DAB1: variants seen among roughly 807,000 people sequenced by gnomAD.
DAB1 encodes DAB adaptor protein 1, also known as disabled homolog 1.
A neutral mutation model predicts 64.6 loss-of-function variants in DAB1; 15 were observed. The observed-to-expected ratio is 0.23, with a 90% CI of 0.16 to 0.36. DAB1 has a LOEUF of 0.36. Among genes scored for constraint, DAB1 ranks in the 10% least tolerant of loss-of-function variants. The pLI, the probability that DAB1 is intolerant of heterozygous loss-of-function variation, is 1.00. For synonymous variants in DAB1, 235 were observed against 251.9 expected, an observed-to-expected ratio of 0.93 and a Z score of 0.64; for missense variants, 596 against 706.7, an observed-to-expected ratio of 0.84 and a Z score of 1.78.
rs1027412805 is a variant in DAB1, at chr1:58,110,401, T to C, written n.387+40110A>G. Among the ~76,000 whole-genome samples the C allele has an allele frequency of 4.6e-5, 7 of 152,200 alleles. No homozygotes were observed. The East Asian group carries it at 9.6e-4, about 21-fold the overall frequency. The stretch of plus-strand genomic sequence containing the variant: ...AGCAAATGCTATCAGAATGATATGA[T>C]TGATGTTAAGGAAAAACTAACTGAT... On this transcript the variant is annotated intron_variant and non_coding_transcript_variant, in intron 5 of 20. Coordinates refer to the DAB1 transcript ENST00000485760.
At chr1:57,327,511 G>T (rs1676270537) in intron 1 of DAB1, among the ~76,000 whole-genome samples, 1 of 152,068 alleles carries the variant, frequency 6.6e-6, no homozygotes, top group African/African-American at 2.4e-5. Context: ...GGCAGATGGG[G>T]CCTCTTCAGA....
intron 4 of DAB1, among the ~76,000 whole-genome samples, chr1:58,318,329 G>T (rs575299184): frequency 1.3e-5 from 2 of 152,312 alleles, no homozygotes; most frequent in Admixed American, 1.3e-4. Flanking sequence ...CATCCTGAGT[G>T]GACAGCCCAC....
At chr1:58,237,088 T>A (rs1412955626) in intron 4 of DAB1, among the ~76,000 whole-genome samples, 3 of 152,198 alleles carry the variant, frequency 2.0e-5, no homozygotes, top group African/African-American at 7.2e-5. Context: ...GCTACTCCCA[T>A]GTTTCCTTTA....
At chr1:58,211,530 A>G (rs1226057812) in intron 4 of DAB1, among the ~76,000 whole-genome samples, 1 of 152,180 alleles carries the variant, frequency 6.6e-6, no homozygotes, top group Non-Finnish European at 1.5e-5. Context: ...ACACCTACTT[A>G]TTGCAAGCAA....
intron 7 of DAB1, among the ~76,000 whole-genome samples, chr1:57,648,471 G>C (rs985396558): frequency 6.6e-6 from 1 of 152,082 alleles, no homozygotes; most frequent in African/African-American, 2.4e-5. Flanking sequence ...TCAGTAAAAA[G>C]GTTTCTCAGC....
intron 3 of DAB1, among the ~76,000 whole-genome samples, chr1:58,381,761 C>T (rs1230118136): frequency 1.3e-5 from 2 of 152,244 alleles, no homozygotes; most frequent in Admixed American, 1.3e-4. Flanking sequence ...GGGTGATAAC[C>T]ATTAGACTAT....
intron 7 of DAB1, among the ~76,000 whole-genome samples, chr1:57,503,381 A>C (rs1644311987): frequency 6.6e-6 from 1 of 152,226 alleles, no homozygotes; most frequent in African/African-American, 2.4e-5. Flanking sequence ...TCTCATTTGA[A>C]CTGCCTCTGC....
chr1:57,101,480 T>C (rs566184465), intron 4 of DAB1, among the ~76,000 whole-genome samples: 1 of 152,226 alleles, frequency 6.6e-6, no homozygotes, highest in Non-Finnish European at 1.5e-5. Flanking sequence ...TGTGCAAACC[T>C]CTTTGTCTCT....
At chr1:58,283,693 A>G (rs1279931702) in intron 4 of DAB1, among the ~76,000 whole-genome samples, 1 of 152,200 alleles carries the variant, frequency 6.6e-6, no homozygotes, top group African/African-American at 2.4e-5. Flanking sequence ...GTGAGGATTA[A>G]ATGAGATAAT....
chr1:58,535,172 G>A (rs1217784178), intron 1 of DAB1, among the ~76,000 whole-genome samples: 1 of 152,178 alleles, frequency 6.6e-6, no homozygotes, highest in Non-Finnish European at 1.5e-5. Context: ...AAAAGATGCT[G>A]ATTAAGACTA....
chr1:57,793,759 C>T (rs1650713190), intron 6 of DAB1, among the ~76,000 whole-genome samples: 1 of 152,178 alleles, frequency 6.6e-6, no homozygotes, highest in South Asian at 2.1e-4. Context: ...AAACCTCCTT[C>T]TAGGGTTGTT....
intron 2 of DAB1, among the ~76,000 whole-genome samples, chr1:57,263,973 G>T (rs1043970299): frequency 7.9e-5 from 12 of 152,092 alleles, no homozygotes; most frequent in African/African-American, 2.9e-4. Flanking sequence ...AGGACTGTGG[G>T]CTCCCTGAGA....
intron 7 of DAB1, among the ~76,000 whole-genome samples, chr1:57,475,946 C>T (rs1643930338): frequency 6.6e-6 from 1 of 152,120 alleles, no homozygotes; most frequent in African/African-American, 2.4e-5. Context: ...TATGCTCGGC[C>T]AGGTGCAGTG....
intron 5 of DAB1, among the ~76,000 whole-genome samples, chr1:57,958,132 C>G (rs1028404995): frequency 2.0e-5 from 3 of 151,960 alleles, no homozygotes; most frequent in Non-Finnish European, 4.4e-5. Context: ...TTACAGGTGT[C>G]TGCCACCACG....
At chr1:58,470,365 G>A (rs1645344190) in intron 3 of DAB1, among the ~76,000 whole-genome samples, 1 of 151,928 alleles carries the variant, frequency 6.6e-6, no homozygotes, top group African/African-American at 2.4e-5. Context: ...GTAGAGATGG[G>A]GTTTTGCCAT....
intron 6 of DAB1, among the ~76,000 whole-genome samples, chr1:57,685,702 C>G (rs1646689107): frequency 6.6e-6 from 1 of 151,754 alleles, no homozygotes; most frequent in Non-Finnish European, 1.5e-5. Context: ...GAAATAATAC[C>G]CAGCACACAC....
chr1:57,198,640 T>TTCTCTCTCTC lies in DAB1; in HGVS notation c.68-53221_68-53212dup, dbSNP rs139550960. On this transcript the variant is annotated intron_variant, in intron 2 of 14. Coordinates refer to ENST00000371236, the MANE Select transcript of DAB1 (RefSeq NM_001365792.1). ...CTCTTCCTCCCTCCCTCCCTGCATC[T>TTCTCTCTCTC]TCTCTCTCTCACACACACACACACA... Among the ~76,000 whole-genome samples the TTCTCTCTCTC allele has an allele frequency of 6.1e-3, 794 of 131,070 alleles. 9 individuals carry two copies. The highest frequency in any genetic ancestry group is 0.02 in the Middle Eastern group (5 of 252). 86.0% of individuals were successfully genotyped at this position (131,070 alleles called of 152,430 possible). A position where few individuals can be genotyped will look rare whatever the true frequency, so the allele number is the denominator to read the frequency against.
chr1:57,857,812 G>T (rs1170637915), intron 1 of DAB1, among the ~76,000 whole-genome samples: 1 of 137,546 alleles, frequency 7.3e-6, no homozygotes, highest in Admixed American at 7.8e-5. Context: ...TATTTTTAAA[G>T]TATTGCAGTT....
At chr1:58,066,819 T>C (rs1204852815) in intron 5 of DAB1, among the ~76,000 whole-genome samples, 2 of 152,218 alleles carry the variant, frequency 1.3e-5, no homozygotes, top group Non-Finnish European at 2.9e-5. Flanking sequence ...CTTTTTTGCC[T>C]GTCCGTTTTC....
Sources: gnomAD v4.1 joint callset for allele counts (sites outside exome capture counted in the v4.1 genomes callset) on GRCh38, gnomAD v4.1.1 for gene constraint, MANE v1.5 for transcripts, NCBI Gene and HGNC (gene_info 2026-07-23, HGNC 2026-07-21) for gene names.